Variants in MTUS1 observed in about 807,000 individuals in gnomAD.
MTUS1 encodes microtubule associated scaffold protein 1.
A neutral mutation model predicts 120.8 loss-of-function variants in MTUS1; 109 were observed. The ratio of observed to expected loss-of-function variants is 0.90; its 90% CI spans 0.77 to 1.06. The LOEUF is 1.06. Among genes scored for constraint, MTUS1 ranks in the 50% least tolerant of loss-of-function variants. MTUS1 has a pLI of 0.00. For synonymous variants in MTUS1, 737 were observed against 550.5 expected (o/e 1.34, Z -4.74); for missense variants, 2,210 against 1,486.3 (o/e 1.49, Z -8.01).
intron 1 of MTUS1, among the ~76,000 whole-genome samples, chr8:17,793,042 G>C (rs901788762): frequency 1.3e-5 from 2 of 151,724 alleles, no homozygotes; most frequent in East Asian, 3.9e-4. Flanking sequence ...ATCCTAGACT[G>C]CAAAGTTATC....
chr8:17,704,669 T>C (rs577502706), intron 6 of MTUS1, among the ~76,000 whole-genome samples: 10 of 152,246 alleles, frequency 6.6e-5, no homozygotes, highest in Non-Finnish European at 1.2e-4. Context: ...AATTACTGTG[T>C]GTTGTAATAT....
chr8:17,695,714 GTAGA>G (rs1563218294), intron 6 of MTUS1, among the ~76,000 whole-genome samples: 1 of 151,904 alleles, frequency 6.6e-6, no homozygotes, highest in East Asian at 1.9e-4. Flanking sequence ...TTTTAATGAG[GTAGA>G]TAAACATGTG....
At chr8:17,771,886 G>A (rs1396255866) in intron 1 of MTUS1, among the ~76,000 whole-genome samples, 2 of 152,160 alleles carry the variant, frequency 1.3e-5, no homozygotes, top group African/African-American at 2.4e-5. Flanking sequence ...AAGAAGTTAC[G>A]ATTTCTACTA....
intron 1 of MTUS1, among the ~76,000 whole-genome samples, chr8:17,788,520 T>C (rs1054876886): frequency 1.5e-4 from 23 of 152,274 alleles, no homozygotes; most frequent in Admixed American, 1.4e-3. Context: ...TCCACTGAAG[T>C]AGGTCTCTGT....
intron 4 of MTUS1, chr8:17,722,119 C>G: frequency 7.9e-7 from 1 of 1,270,024 alleles, no homozygotes; most frequent in South Asian, 2.6e-5. Flanking sequence ...CACATCGCCA[C>G]TAGACAGGCT....
intron 2 of MTUS1, 96 bp downstream of exon 2, chr8:17,753,621 G>A: frequency 2.5e-6 from 2 of 800,136 alleles, no homozygotes; most frequent in Non-Finnish European, 3.8e-6. Context: ...ACCTGGTTCT[G>A]CAATATTATT....
chr8:17,782,701 G>A (rs1444084083), intron 1 of MTUS1, among the ~76,000 whole-genome samples: 1 of 152,102 alleles, frequency 6.6e-6, no homozygotes, highest in Admixed American at 6.5e-5. Context: ...GTAAAGAATT[G>A]TAACATCTTT....
chr8:17,648,491 C>T (rs1013685949), intron 13 of MTUS1, among the ~76,000 whole-genome samples: 1 of 152,122 alleles, frequency 6.6e-6, no homozygotes, highest in African/African-American at 2.4e-5. Flanking sequence ...CTGAGTCATC[C>T]CTGACTACCA....
intron 1 of MTUS1, among the ~76,000 whole-genome samples, chr8:17,779,155 A>C (rs1010183320): frequency 6.6e-6 from 1 of 152,220 alleles, no homozygotes; most frequent in Non-Finnish European, 1.5e-5. Context: ...CAGAGACTGG[A>C]AAGGTTTCTA....
intron 8 of MTUS1, 188 bp downstream of exon 8, chr8:17,674,998 T>C: frequency 7.1e-7 from 1 of 1,406,432 alleles, no homozygotes; most frequent in Non-Finnish European, 9.2e-7. Context: ...CCAGGAATTC[T>C]GTGAACTGAA....
chr8:17,707,710 G>A (rs1444266664), intron 6 of MTUS1, among the ~76,000 whole-genome samples: 11 of 152,254 alleles, frequency 7.2e-5, no homozygotes, highest in East Asian at 5.8e-4. Flanking sequence ...AAAGAAAGAC[G>A]TTGAATGACT....
At chr8:17,670,619 T>TA (rs1263149666) in intron 8 of MTUS1, among the ~76,000 whole-genome samples, 4 of 152,176 alleles carry the variant, frequency 2.6e-5, no homozygotes, top group African/African-American at 7.2e-5. Flanking sequence ...AGGCAAGTGT[T>TA]AGAGACCAGC....
chr8:17,688,441 G>T (rs532604037), intron 6 of MTUS1, among the ~76,000 whole-genome samples: 1 of 152,224 alleles, frequency 6.6e-6, no homozygotes, highest in South Asian at 2.1e-4. Context: ...TGACTGGATG[G>T]TAAGTCCTTT....
chr8:17,709,644 C>A (rs1237937242), intron 6 of MTUS1, among the ~76,000 whole-genome samples: 1 of 152,062 alleles, frequency 6.6e-6, no homozygotes, highest in Middle Eastern at 3.2e-3. Flanking sequence ...TCTGGTTTCT[C>A]AGTGCATATA....
intron 4 of MTUS1, among the ~76,000 whole-genome samples, chr8:17,718,555 C>T (rs1822769992): frequency 6.6e-6 from 1 of 152,086 alleles, no homozygotes; most frequent in East Asian, 1.9e-4. Flanking sequence ...GATGCATCCT[C>T]AGAATCATCC....
chr8:17,697,347 T>C (rs769643706), intron 6 of MTUS1: 1 of 1,614,052 alleles, frequency 6.2e-7, no homozygotes, highest in Non-Finnish European at 8.5e-7. Context: ...ATGTGAATGG[T>C]GGATAAGGAG....
At chr8:17,740,642 T>C (rs756780671) in intron 3 of MTUS1, among the ~76,000 whole-genome samples, 1 of 152,230 alleles carries the variant, frequency 6.6e-6, no homozygotes. Context: ...CATAATACAG[T>C]AGAATCAAAT....
At chr8:17,719,953 G>T (rs2045696405) in intron 4 of MTUS1, among the ~76,000 whole-genome samples, 1 of 152,224 alleles carries the variant, frequency 6.6e-6, no homozygotes, top group Non-Finnish European at 1.5e-5. Flanking sequence ...GGACTTTGAA[G>T]ATGACCCAGT....
chr8:17,717,661 G>A (rs921333379), intron 4 of MTUS1, among the ~76,000 whole-genome samples: 4 of 151,924 alleles, frequency 2.6e-5, no homozygotes, highest in African/African-American at 9.7e-5. Flanking sequence ...AAAGGCCCAC[G>A]GTTCACAAAG....
Sources: allele counts gnomAD v4.1 joint callset (sites outside exome capture counted in the v4.1 genomes callset), GRCh38; gene constraint gnomAD v4.1.1; transcripts MANE v1.5; gene names NCBI Gene and HGNC (gene_info 2026-07-23, HGNC 2026-07-21).